IGSF11: variants seen among roughly 807,000 people sequenced by gnomAD.
The protein encoded by IGSF11 is CXADR like 1.
Under a neutral mutation model 41.0 loss-of-function variants are expected in IGSF11, and 22 were observed. The ratio of observed to expected loss-of-function variants is 0.54; its 90% CI spans 0.38 to 0.77. The LOEUF is 0.77. IGSF11 is among the 30% of genes least tolerant of loss of function. The probability of loss-of-function intolerance (pLI) is 0.00; values close to 1 mark genes in which losing one functional copy is unlikely to be tolerated. For missense variants in IGSF11, 444 were observed against 530.8 expected (o/e 0.84, Z 1.61); for synonymous variants, 219 against 201.3 (o/e 1.09, Z -0.74).
At chr3:119,061,991 T>G (rs757139984) in intron 1 of IGSF11, among the ~76,000 whole-genome samples, 1 of 152,250 alleles carries the variant, frequency 6.6e-6, no homozygotes, top group Non-Finnish European at 1.5e-5. Context: ...TTAATAACAT[T>G]GGGAAAGTCA....
intron 1 of IGSF11, among the ~76,000 whole-genome samples, chr3:119,045,741 C>G (rs1941319335): frequency 6.6e-6 from 1 of 151,964 alleles, no homozygotes; most frequent in African/African-American, 2.4e-5. Flanking sequence ...CTTAAATGTC[C>G]CTGTCTGACA....
intron 1 of IGSF11, among the ~76,000 whole-genome samples, chr3:118,990,247 A>G (rs1935660695): frequency 6.6e-6 from 1 of 152,214 alleles, no homozygotes; most frequent in Non-Finnish European, 1.5e-5. Context: ...GGGAGAGAGA[A>G]TAGAGGGAGG....
At chr3:118,925,283 G>C (rs1942189773) in intron 4 of IGSF11, among the ~76,000 whole-genome samples, 1 of 152,040 alleles carries the variant, frequency 6.6e-6, no homozygotes, top group Non-Finnish European at 1.5e-5. Flanking sequence ...CTATCAACAT[G>C]ATTCAGACTT....
chr3:118,912,202 G>A (rs1157031760), intron 4 of IGSF11, among the ~76,000 whole-genome samples: 1 of 152,152 alleles, frequency 6.6e-6, no homozygotes, highest in African/African-American at 2.4e-5. Flanking sequence ...AAGTGTGAAG[G>A]TTATTCTCCC....
At chr3:119,027,854 TAA>T (rs758147474) in intron 1 of IGSF11, among the ~76,000 whole-genome samples, 1 of 152,188 alleles carries the variant, frequency 6.6e-6, no homozygotes, top group East Asian at 1.9e-4. Context: ...GCAATATACA[TAA>T]GTGAACTGTA....
chr3:119,046,930 A>G (rs1941381355), intron 1 of IGSF11, among the ~76,000 whole-genome samples: 1 of 146,800 alleles, frequency 6.8e-6, no homozygotes, highest in Non-Finnish European at 1.5e-5. Context: ...AAAATACTTT[A>G]CAGACAAGCA....
intron 1 of IGSF11, among the ~76,000 whole-genome samples, chr3:119,130,501 G>A (rs941355107): frequency 6.6e-6 from 1 of 152,220 alleles, no homozygotes; most frequent in Non-Finnish European, 1.5e-5. Context: ...AGCCTGGCGG[G>A]GGGAGGGGCA....
chr3:118,908,491 T>C (rs374283867), intron 4 of IGSF11, among the ~76,000 whole-genome samples: 13 of 152,308 alleles, frequency 8.5e-5, no homozygotes, highest in Admixed American at 3.3e-4. Flanking sequence ...ACAAAGCACA[T>C]AGCCCTTCCC....
At chr3:119,135,668 A>G (rs961589386) in intron 1 of IGSF11, among the ~76,000 whole-genome samples, 1 of 152,200 alleles carries the variant, frequency 6.6e-6, no homozygotes, top group African/African-American at 2.4e-5. Flanking sequence ...TTCCTCAGGG[A>G]TCTAGAACTA....
upstream of IGSF11, among the ~76,000 whole-genome samples, chr3:119,108,599 G>T: frequency 7.5e-6 from 1 of 132,542 alleles, no homozygotes; most frequent in African/African-American, 2.8e-5. Context: ...CTGCCTGATT[G>T]CCCTGGCCAG....
At chr3:119,025,141 A>G (rs1188158588) in intron 1 of IGSF11, among the ~76,000 whole-genome samples, 3 of 152,174 alleles carry the variant, frequency 2.0e-5, no homozygotes, top group Non-Finnish European at 4.4e-5. Flanking sequence ...GGGGAGAGAG[A>G]GAGGAAAGTC....
intron 1 of IGSF11, among the ~76,000 whole-genome samples, chr3:119,086,798 G>T (rs1234457648): frequency 6.6e-6 from 1 of 152,106 alleles, no homozygotes; most frequent in African/African-American, 2.4e-5. Flanking sequence ...TACCACAAAA[G>T]CACACTTAAG....
chr3:118,911,230 T>TG (rs1263948732), intron 4 of IGSF11, among the ~76,000 whole-genome samples: 1 of 151,790 alleles, frequency 6.6e-6, no homozygotes, highest in Admixed American at 6.6e-5. Flanking sequence ...GAACACTATA[T>TG]GGGGTTTGCT....
At chr3:119,014,872 G>T (rs775418861) in intron 1 of IGSF11, among the ~76,000 whole-genome samples, 1 of 152,122 alleles carries the variant, frequency 6.6e-6, no homozygotes, top group Non-Finnish European at 1.5e-5. Context: ...TCACCTTCTG[G>T]CTTGGAATTA....
chr3:119,052,043 G>C (rs1305238657), intron 1 of IGSF11, among the ~76,000 whole-genome samples: 1 of 151,822 alleles, frequency 6.6e-6, no homozygotes, highest in Non-Finnish European at 1.5e-5. Context: ...AGCACAAATA[G>C]ACAATCTAAG....
intron 1 of IGSF11, among the ~76,000 whole-genome samples, chr3:119,033,650 C>T (rs1940629024): frequency 6.6e-6 from 1 of 152,054 alleles, no homozygotes; most frequent in African/African-American, 2.4e-5. Flanking sequence ...GGGTTAACCA[C>T]AAAGTTCCAA....
chr3:119,060,674 A>T (rs1302708291), intron 1 of IGSF11, among the ~76,000 whole-genome samples: 1 of 152,234 alleles, frequency 6.6e-6, no homozygotes, highest in African/African-American at 2.4e-5. Context: ...GCTCATCAAT[A>T]GTAAAGCTTA....
intron 1 of IGSF11, among the ~76,000 whole-genome samples, chr3:119,120,138 C>A (rs1455468512): frequency 1.3e-5 from 2 of 152,186 alleles, no homozygotes; most frequent in African/African-American, 4.8e-5. Context: ...GGCATGATAT[C>A]TCACACAGAA....
At chr3:118,952,052 T>C (rs932520401) in intron 1 of IGSF11, among the ~76,000 whole-genome samples, 2 of 152,144 alleles carry the variant, frequency 1.3e-5, no homozygotes, top group Non-Finnish European at 2.9e-5. Flanking sequence ...TATTTTTTGG[T>C]TTCCCAGTGC....
Sources: gnomAD v4.1 joint callset for allele counts (sites outside exome capture counted in the v4.1 genomes callset) on GRCh38, gnomAD v4.1.1 for gene constraint, MANE v1.5 for transcripts, NCBI Gene and HGNC (gene_info 2026-07-23, HGNC 2026-07-21) for gene names.